ITGB1: variants seen among roughly 807,000 people sequenced by gnomAD.
ITGB1 encodes the protein integrin subunit beta 1.
ITGB1 carries 24 observed loss-of-function variants against 86.5 expected under a neutral mutation model. The ratio of observed to expected loss-of-function variants is 0.28; its 90% CI spans 0.20 to 0.39. The LOEUF is 0.39. Among genes scored for constraint, ITGB1 ranks in the 10% least tolerant of loss-of-function variants. The pLI is 1.00. For synonymous variants in ITGB1, 323 were observed against 316.8 expected (o/e 1.02, Z -0.21); for missense variants, 556 against 946.9 (o/e 0.59, Z 5.42).
At chr10:32,917,356 C>T (rs1649564593) in intron 11 of ITGB1, among the ~76,000 whole-genome samples, 1 of 152,188 alleles carries the variant, frequency 6.6e-6, no homozygotes, top group South Asian at 2.1e-4. Flanking sequence ...TCTAATTAAA[C>T]TAAAGAGCTT....
chr10:32,913,551 G>C (rs1246792251), intron 11 of ITGB1, among the ~76,000 whole-genome samples: 1 of 152,200 alleles, frequency 6.6e-6, no homozygotes, highest in Non-Finnish European at 1.5e-5. Context: ...ATTCGATCCA[G>C]TGGAAGAAAG....
At chr10:32,953,617 T>C (rs1041723824) in intron 1 of ITGB1, 1 of 151,682 alleles carries the variant, frequency 6.6e-6, no homozygotes, top group Non-Finnish European at 1.5e-5. Flanking sequence ...ATCCTCCAAC[T>C]CCTCGAACGA....
intron 10 of ITGB1, 73 bp downstream of exon 10, chr10:32,920,172 T>A: frequency 6.4e-7 from 1 of 1,571,470 alleles, no homozygotes; most frequent in Non-Finnish European, 8.7e-7. Flanking sequence ...TATTTTAATG[T>A]TTCTCAAACT....
At chr10:32,941,928 G>C (rs1488506025) in intron 1 of ITGB1, among the ~76,000 whole-genome samples, 1 of 152,188 alleles carries the variant, frequency 6.6e-6, no homozygotes, top group African/African-American at 2.4e-5. Flanking sequence ...GCAAAATCTA[G>C]GGAAGATGCC....
At chr10:32,937,554 C>CA (rs56280552) in intron 1 of ITGB1, among the ~76,000 whole-genome samples, 12,817 of 90,920 alleles carry the variant, frequency 0.14, 1,000 homozygotes, top group East Asian at 0.17. Context: ...GACTCCGTCT[C>CA]AAAAAAAAAA....
intron 11 of ITGB1, among the ~76,000 whole-genome samples, chr10:32,916,096 G>A (rs866300636): frequency 2.6e-4 from 40 of 152,144 alleles, no homozygotes; most frequent in Admixed American, 2.6e-4. Context: ...AAAGGTGTTC[G>A]ACAAAATTCA....
At chr10:32,929,396 T>G (rs1344485503) in intron 4 of ITGB1, among the ~76,000 whole-genome samples, 1 of 152,118 alleles carries the variant, frequency 6.6e-6, no homozygotes, top group East Asian at 1.9e-4. Flanking sequence ...TGAGGGCTTG[T>G]TTTTTCCTTC....
Position 32,926,062 on chromosome 10 carries a change from T to C in ITGB1, c.595A>G (p.Thr199Ala). Residue 199 changes from threonine (T) to alanine (A), a missense_variant, in exon 6 of 16, where the codon ACA (threonine) becomes GCA (alanine). By Grantham distance (58) the Thr-to-Ala change is moderately conservative (BLOSUM62 0). Transcript: ENST00000302278. ...EKTVMPYIST[T>A]PAKLRNPCTS... The stretch of plus-strand genomic sequence containing the variant: ...CAAGGGTTCCTGAGCTTAGCTGGTG[T>C]TGTGCTAATGTAAGGCATCACAGTC... 1.2e-6 allele frequency: 2 copies of C among 1,614,142 alleles called. No individual in the cohort carries two copies. Among genetic ancestry groups the C allele is most frequent in the Non-Finnish European group, 1.7e-6 (2 of 1,180,020 alleles).
chr10:32,926,254 T>A (rs545162329), intron 5 of ITGB1, 145 bp from the exon 6 acceptor site: 2 of 645,902 alleles, frequency 3.1e-6, no homozygotes, highest in East Asian at 5.5e-5. Flanking sequence ...AATTCCTACA[T>A]TGAAAACCTA....
intron 11 of ITGB1, 140 bp downstream of exon 11, chr10:32,919,745 G>C: frequency 3.1e-6 from 2 of 642,758 alleles, no homozygotes. Flanking sequence ...TCATCAAACT[G>C]ATCTTGTGGT....
rs754935937 is a variant in ITGB1 at position 32,919,949 on chromosome 10, C to T, written c.1405G>A (p.Glu469Lys). ...CACTTGGGACTTTCAGGGATGCCTT[C>T]GCTTTGGCATTCACATTCACAGATG... ...QYICECECQS[E>K]GIPESPKCHE... Residue 469 changes from glutamate (E) to lysine (K), a missense_variant, in exon 11 of 16, where the codon GAA (glutamate) becomes AAA (lysine). Around this residue, in one of 4 missense-constraint regions of ITGB1, gnomAD observed 330 missense variants for 531.5 expected, o/e 0.62. Coordinates refer to ENST00000302278, the MANE Select transcript of ITGB1 (RefSeq NM_002211.4). 1.6e-5 allele frequency: 26 copies of T among 1,613,996 alleles called. No homozygotes were observed. The highest frequency in any genetic ancestry group is 2.1e-5 in the Non-Finnish European group (25 of 1,180,014).
rs1300731642 is a variant in ITGB1 at position 32,906,575 on chromosome 10, G to GA, written c.2331+1792dup. 2.3e-5 allele frequency: 4 copies of GA among 173,730 alleles called. No individual in the cohort carries two copies. In the Admixed American group the frequency reaches 2.6e-4, roughly 11 times the overall value. 10.8% of individuals were successfully genotyped at this position (173,730 alleles called of 1,614,324 possible). A position where few individuals can be genotyped will look rare whatever the true frequency, so the allele number is the denominator to read the frequency against. The stretch of plus-strand genomic sequence containing the variant: ...ACTGCACTCCAGGCTGGGCGACAGA[G>GA]AGAGACTGTCTCAAAATAAATAAAT... On this transcript the variant is annotated intron_variant, in intron 15 of 15. Transcript: ENST00000302278.
chr10:32,901,418 A>C lies in ITGB1; in HGVS notation c.*152T>G. On this transcript the variant is annotated 3_prime_UTR_variant, in exon 16 of 16. Transcript: ENST00000302278. ...GCATGAATTACAACATTATTTTCAAAATAATAAAACATTTTAAAAATTATA... is the reference window on the plus strand; with the variant it reads ...GCATGAATTACAACATTATTTTCAACATAATAAAACATTTTAAAAATTATA... 1 of 523,322 alleles carries C rather than the reference A, an allele frequency of 1.9e-6. No homozygotes were observed. The highest frequency in any genetic ancestry group is 3.4e-6 in the Non-Finnish European group (1 of 298,012). 32.4% of individuals were successfully genotyped at this position (523,322 alleles called of 1,614,324 possible).
At chr10:32,929,420 G>A (rs2094976083) in intron 4 of ITGB1, among the ~76,000 whole-genome samples, 1 of 151,924 alleles carries the variant, frequency 6.6e-6, no homozygotes. Context: ...TTTAGATGTG[G>A]GACTAACAGA....
chr10:32,920,295 C>T lies in ITGB1; in HGVS notation c.1219G>A (p.Gly407Arg). Residue 407 changes from glycine to arginine, a missense_variant, in exon 10 of 16, where the codon GGA becomes AGA. By Grantham distance (125) the Gly-to-Arg change is moderately radical. Transcript: ENST00000302278. ...YKSYCKNGVN[G>R]TGENGRKCSN... Reference sequence around the variant, plus strand: ...CATTTTCTTCCATTTTCCCCTGTTCCATTCACCCCGTTCTTGCAGTAAGAT... The same window carrying T: ...CATTTTCTTCCATTTTCCCCTGTTCTATTCACCCCGTTCTTGCAGTAAGAT... The T allele has an allele frequency of 6.2e-7, 1 of 1,613,610 alleles. No homozygotes were observed.
intron 5 of ITGB1, 98 bp from the exon 6 acceptor site, chr10:32,926,207 G>T: frequency 1.1e-6 from 1 of 912,432 alleles, no homozygotes. Context: ...GTTACCAAAT[G>T]TAGGTTACTA....
intron 2 of ITGB1, among the ~76,000 whole-genome samples, chr10:32,934,056 T>C (rs2094992845): frequency 6.6e-6 from 1 of 152,162 alleles, no homozygotes; most frequent in African/African-American, 2.4e-5. Context: ...TAAACCTTAG[T>C]ACACATCTGA....
intron 1 of ITGB1, among the ~76,000 whole-genome samples, chr10:32,937,392 C>T (rs1272115448): frequency 6.6e-6 from 1 of 151,886 alleles, no homozygotes; most frequent in East Asian, 1.9e-4. Context: ...CCCGTCTCTA[C>T]TAAAAATGCA....
intron 11 of ITGB1, among the ~76,000 whole-genome samples, chr10:32,917,888 T>C (rs146712044): frequency 0.068 from 10,403 of 152,224 alleles, 460 homozygotes; most frequent in African/African-American, 0.12. Flanking sequence ...TAAAGACACG[T>C]GCACACGTAT....
Sources: allele counts gnomAD v4.1 joint callset (sites outside exome capture counted in the v4.1 genomes callset), GRCh38; gene constraint gnomAD v4.1.1; regional missense constraint gnomAD v4.1.1; transcripts MANE v1.5; gene names NCBI Gene and HGNC (gene_info 2026-07-23, HGNC 2026-07-21).